Variants in SIK3 observed in about 807,000 individuals in gnomAD.
SIK3 encodes serine/threonine-protein kinase SIK3.
A neutral mutation model predicts 144.2 loss-of-function variants in SIK3; 28 were observed. That is an observed-to-expected ratio of 0.19 (90% CI 0.14 to 0.27). The LOEUF (loss-of-function observed/expected upper bound fraction) is 0.27, where lower values mean the gene tolerates loss of function less well. Ranked by LOEUF, SIK3 falls within the 10% of genes least tolerant of loss-of-function variation. SIK3 has a pLI of 1.00. For missense variants in SIK3, 1,319 were observed against 1,776.0 expected, an observed-to-expected ratio of 0.74 and a Z score of 4.62; for synonymous variants, 686 against 676.3, an observed-to-expected ratio of 1.01 and a Z score of -0.22.
intron 1 of SIK3, among the ~76,000 whole-genome samples, chr11:116,991,451 C>G (rs1364475290): frequency 1.3e-5 from 2 of 152,050 alleles, no homozygotes; most frequent in Non-Finnish European, 2.9e-5. Context: ...TGTCTCAAAA[C>G]AAACAAAAAC....
intron 4 of SIK3, among the ~76,000 whole-genome samples, chr11:116,905,766 T>C (rs1175067137): frequency 6.6e-6 from 1 of 152,270 alleles, no homozygotes; most frequent in African/African-American, 2.4e-5. Flanking sequence ...ATATCTGCTT[T>C]GGAGAAATGT....
chr11:116,861,155 A>G, intron 19 of SIK3, 119 bp downstream of exon 19: 1 of 797,332 alleles, frequency 1.3e-6, no homozygotes, highest in African/African-American at 1.8e-5. Flanking sequence ...TCTAGAGTCC[A>G]TACCCCTGAA....
At chr11:116,917,735 G>A (rs1393435338) in intron 4 of SIK3, among the ~76,000 whole-genome samples, 1 of 126,588 alleles carries the variant, frequency 7.9e-6, no homozygotes, top group Non-Finnish European at 1.7e-5. Flanking sequence ...GGAAGGGAAA[G>A]AGAGAGAGAG....
chr11:116,885,462 G>A (rs1013129677), intron 6 of SIK3, among the ~76,000 whole-genome samples: 1 of 152,118 alleles, frequency 6.6e-6, no homozygotes, highest in African/African-American at 2.4e-5. Flanking sequence ...TGGCCTAAAG[G>A]GTAGGGATGC....
At chr11:116,919,463 G>A (rs1946843257) in intron 4 of SIK3, among the ~76,000 whole-genome samples, 2 of 152,062 alleles carry the variant, frequency 1.3e-5, no homozygotes, top group Non-Finnish European at 2.9e-5. Context: ...TAACACGAGA[G>A]TGGAAACTAT....
intron 6 of SIK3, 99 bp from the exon 7 acceptor site, chr11:116,877,141 C>T (rs1414610536): frequency 2.1e-6 from 2 of 959,164 alleles, no homozygotes; most frequent in African/African-American, 1.6e-5. Context: ...CTATCCAACT[C>T]CCTGCTTCTA....
chr11:116,999,574 A>ATTTTC (rs1251691129), intron 1 of SIK3, among the ~76,000 whole-genome samples: 1 of 145,242 alleles, frequency 6.9e-6, no homozygotes, highest in Admixed American at 7.0e-5. Flanking sequence ...TTTTTGTGGC[A>ATTTTC]TTTTGTTTTC....
At chr11:116,926,840 G>A (rs1947301258) in intron 4 of SIK3, among the ~76,000 whole-genome samples, 1 of 152,046 alleles carries the variant, frequency 6.6e-6, no homozygotes, top group Non-Finnish European at 1.5e-5. Context: ...GCCCAACATG[G>A]CAAAACCCCA....
intron 1 of SIK3, among the ~76,000 whole-genome samples, chr11:117,031,595 C>T (rs1952265791): frequency 6.6e-6 from 1 of 151,096 alleles, no homozygotes; most frequent in Non-Finnish European, 1.5e-5. Context: ...GATCTTGGCT[C>T]ACTGCAACCT....
chr11:117,066,319 C>T (rs1010511468), intron 1 of SIK3, among the ~76,000 whole-genome samples: 1 of 151,870 alleles, frequency 6.6e-6, no homozygotes, highest in Admixed American at 6.6e-5. Flanking sequence ...CCACCCAACT[C>T]GGCCTCCCAA....
At chr11:117,021,640 A>C (rs1408314797) in intron 1 of SIK3, among the ~76,000 whole-genome samples, 1 of 152,060 alleles carries the variant, frequency 6.6e-6, no homozygotes, top group Non-Finnish European at 1.5e-5. Context: ...TGCTTTGCTT[A>C]CCACTATCTT....
At chr11:116,847,804 T>TC (rs1942102584) in intron 22 of SIK3, among the ~76,000 whole-genome samples, 196 bp from the exon 23 acceptor site, 1 of 151,980 alleles carries the variant, frequency 6.6e-6, no homozygotes, top group Non-Finnish European at 1.5e-5. Context: ...CTCTGCCCAG[T>TC]GGGGGGGCTG....
chr11:116,919,225 A>G (rs751026643), intron 4 of SIK3, among the ~76,000 whole-genome samples: 3 of 152,220 alleles, frequency 2.0e-5, no homozygotes, highest in African/African-American at 4.8e-5. Context: ...TTTCTTTTCT[A>G]TATGATGGTA....
At chr11:116,950,306 AC>A (rs1948873612) in intron 3 of SIK3, 1 of 351,686 alleles carries the variant, frequency 2.8e-6, no homozygotes, top group African/African-American at 2.2e-5. Context: ...AGGAGAAGTG[AC>A]AAATAAAAAT....
Position 116,861,884 on chromosome 11 carries a change from C to T in SIK3, c.2272G>A (p.Ala758Thr). 2 of 1,612,140 alleles carry T rather than the reference C, an allele frequency of 1.2e-6. No individual in the cohort carries two copies. Among genetic ancestry groups the T allele is most frequent in the Non-Finnish European group, 8.5e-7 (1 of 1,179,288 alleles). Residue 758 changes from alanine (A) to threonine (T), a missense_variant, in exon 18 of 25, where the codon GCA becomes ACA. Ala to Thr is a moderately conservative substitution (Grantham distance 58). Around this residue, in one of 8 missense-constraint regions of SIK3, gnomAD observed 77 missense variants for 141.9 expected, o/e 0.54. Transcript: ENST00000445177. ...PPQPSPPLQA[A>T]CENQPALLTH... is the part of the protein sequence containing the mutation. ...AGGAGGGCTGGCTGATTTTCACATGCAGCCTGAAGAGGTGGAGATGGCTGA... is the reference window on the plus strand; with the variant it reads ...AGGAGGGCTGGCTGATTTTCACATGTAGCCTGAAGAGGTGGAGATGGCTGA...
chr11:116,887,925 T>C (rs1319706557), intron 6 of SIK3, among the ~76,000 whole-genome samples: 1 of 152,220 alleles, frequency 6.6e-6, no homozygotes, highest in African/African-American at 2.4e-5. Context: ...CATCTCAGGA[T>C]GCCTATGAAA....
intron 1 of SIK3, among the ~76,000 whole-genome samples, chr11:116,996,875 T>A (rs1343138762): frequency 2.2e-5 from 3 of 138,052 alleles, no homozygotes; most frequent in South Asian, 2.4e-4. Flanking sequence ...CTACTTGTTA[T>A]AAAAAGAATA....
chr11:117,073,049 CAAA>C (rs1020583866), intron 1 of SIK3, among the ~76,000 whole-genome samples: 6 of 152,026 alleles, frequency 3.9e-5, no homozygotes, highest in Non-Finnish European at 2.9e-5. Flanking sequence ...ACCCTCTTGC[CAAA>C]AAGTTCCAGG....
At chr11:117,096,554 C>T (rs1201781510) in intron 1 of SIK3, among the ~76,000 whole-genome samples, 1 of 152,144 alleles carries the variant, frequency 6.6e-6, no homozygotes, top group African/African-American at 2.4e-5. Flanking sequence ...CCTGACTTCC[C>T]CTCAGGGTCT....
Sources: gnomAD v4.1 joint callset for allele counts (sites outside exome capture counted in the v4.1 genomes callset) on GRCh38, gnomAD v4.1.1 for gene constraint, gnomAD v4.1.1 regional missense constraint, MANE v1.5 for transcripts, NCBI Gene and HGNC (gene_info 2026-07-23, HGNC 2026-07-21) for gene names.